CABIN1: variants seen among roughly 807,000 people sequenced by gnomAD.
The protein encoded by CABIN1 is calcineurin-binding protein cabin-1.
CABIN1 carries 133 observed loss-of-function variants against 227.7 expected under a neutral mutation model. The ratio of observed to expected loss-of-function variants is 0.58; its 90% CI spans 0.51 to 0.67. The LOEUF (loss-of-function observed/expected upper bound fraction) is 0.67, where lower values mean the gene tolerates loss of function less well. Among genes scored for constraint, CABIN1 ranks in the 30% least tolerant of loss-of-function variants. The pLI, the probability that CABIN1 is intolerant of heterozygous loss-of-function variation, is 0.00. For missense variants in CABIN1, 2,408 were observed against 2,852.5 expected (o/e 0.84, Z 3.55); for synonymous variants, 1,086 against 1,155.1 (o/e 0.94, Z 1.21).
rs1393906471 is a variant in CABIN1, at chr22:24,167,024, C to T, written c.5393C>T (p.Ser1798Phe). The change falls in exon 32 of 37, where the codon TCC (serine) becomes TTC (phenylalanine). Residue 1798 changes from serine (S) to phenylalanine (F), a missense_variant. Around this residue, in one of 3 missense-constraint regions of CABIN1, gnomAD observed 714 missense variants for 773.8 expected, o/e 0.92. Transcript: ENST00000263119. ...CCCGAGAGCCGGCCCACTGAGCTGT[C>T]CCTGGAGGAGCTGAGCATCAGTGCC... ...RGPESRPTEL[S>F]LEELSISARQ... 1.3e-6 allele frequency: 2 copies of T among 1,554,060 alleles called. No homozygotes were observed. The highest frequency in any genetic ancestry group is 1.2e-5 in the South Asian group (1 of 84,520).
intron 26 of CABIN1, chr22:24,101,733 A>G (rs1015334424): frequency 6.6e-6 from 1 of 152,246 alleles, no homozygotes; most frequent in Admixed American, 6.5e-5. Context: ...GACCAGGAAA[A>G]CGAGGTGACC....
intron 1 of CABIN1, among the ~76,000 whole-genome samples, chr22:24,022,107 C>G (rs954718561): frequency 4.0e-5 from 6 of 151,874 alleles, no homozygotes; most frequent in Non-Finnish European, 8.8e-5. Context: ...ATTGTATTTC[C>G]TTTTATTAGA....
intron 26 of CABIN1, among the ~76,000 whole-genome samples, chr22:24,103,751 T>C (rs1257589568): frequency 1.3e-5 from 2 of 152,200 alleles, no homozygotes; most frequent in Non-Finnish European, 2.9e-5. Flanking sequence ...AGGAGTTAGC[T>C]GGTCACGGCA....
At chr22:24,132,161 A>G (rs2044116856) in intron 28 of CABIN1, among the ~76,000 whole-genome samples, 1 of 152,090 alleles carries the variant, frequency 6.6e-6, no homozygotes, top group Non-Finnish European at 1.5e-5. Context: ...TGAGCCTCTC[A>G]GATCTCCTTT....
At chr22:24,148,435 C>T (rs2148441467) in intron 29 of CABIN1, among the ~76,000 whole-genome samples, 1 of 152,336 alleles carries the variant, frequency 6.6e-6, no homozygotes, top group African/African-American at 2.4e-5. Flanking sequence ...TTAGGGTTGC[C>T]CTCTGTGGCA....
At chr22:24,135,220 G>A (rs2044321495) in intron 29 of CABIN1, among the ~76,000 whole-genome samples, 2 of 150,918 alleles carry the variant, frequency 1.3e-5, no homozygotes, top group Admixed American at 6.6e-5. Flanking sequence ...GTGAAACCCT[G>A]TCTCTACTAA....
At chr22:24,053,911 G>T (rs1292378863) in intron 8 of CABIN1, among the ~76,000 whole-genome samples, 4 of 152,144 alleles carry the variant, frequency 2.6e-5, no homozygotes, top group Non-Finnish European at 1.5e-5. Flanking sequence ...CTGCTCTAGG[G>T]GTTGGGGAAG....
rs572156733 is a variant in CABIN1 at position 24,121,489 on chromosome 22, G to A, written c.4632+1791G>A. On this transcript the variant is annotated intron_variant, in intron 28 of 36. Transcript: ENST00000263119. ...AGCTCCGGCTTCCCTGGCTGTTGGT[G>A]CCACACTGGAGCCTGGCTTGCTCAC... Among the ~76,000 whole-genome samples the A allele has an allele frequency of 5.9e-5, 9 of 152,348 alleles. No individual in the cohort carries two copies. The East Asian group carries it at 1.7e-3, about 29-fold the overall frequency.
chr22:24,125,390 C>T (rs1275189742), intron 28 of CABIN1, among the ~76,000 whole-genome samples: 1 of 152,204 alleles, frequency 6.6e-6, no homozygotes, highest in African/African-American at 2.4e-5. Flanking sequence ...ACAGTATCCC[C>T]ACCTGCCTGT....
intron 19 of CABIN1, among the ~76,000 whole-genome samples, chr22:24,078,071 A>C (rs151049580): frequency 6.6e-6 from 1 of 152,058 alleles, no homozygotes; most frequent in Non-Finnish European, 1.5e-5. Context: ...CTGCCATGCT[A>C]TTCCTCAGCT....
At chr22:24,144,478 G>C (rs758041152) in intron 29 of CABIN1, among the ~76,000 whole-genome samples, 1 of 152,248 alleles carries the variant, frequency 6.6e-6, no homozygotes, top group Non-Finnish European at 1.5e-5. Context: ...GGGGTGCCCA[G>C]GTCCCTAGGG....
intron 4 of CABIN1, among the ~76,000 whole-genome samples, chr22:24,040,195 G>C (rs2037255186): frequency 6.6e-6 from 1 of 152,202 alleles, no homozygotes; most frequent in Non-Finnish European, 1.5e-5. Context: ...CTGGTCAGCT[G>C]GTTCTTGGGG....
chr22:24,050,419 G>C (rs977054923), intron 7 of CABIN1, among the ~76,000 whole-genome samples: 3 of 152,186 alleles, frequency 2.0e-5, no homozygotes, highest in African/African-American at 7.2e-5. Flanking sequence ...TTTTTGGGTC[G>C]TGATACACTT....
At chr22:24,016,015 A>G (rs1352099037) in intron 1 of CABIN1, among the ~76,000 whole-genome samples, 1 of 152,162 alleles carries the variant, frequency 6.6e-6, no homozygotes, top group Non-Finnish European at 1.5e-5. Flanking sequence ...ATACCTTACA[A>G]TTGACCGATT....
In CABIN1 at chr22:24,092,801, A is replaced by G. The variant is rs957079624; in HGVS notation, c.3786+958A>G. Among the ~76,000 whole-genome samples the G allele has an allele frequency of 2.6e-5, 4 of 151,904 alleles. No individual in the cohort carries two copies. The East Asian group carries it at 7.7e-4, about 29-fold the overall frequency. On this transcript the variant is annotated intron_variant, in intron 24 of 36. Coordinates refer to ENST00000263119, the MANE Select transcript of CABIN1 (RefSeq NM_012295.4). ...CCTAGTGATTCCAGTATGCCCCTCC[A>G]TAATCCCTAAGAGTTTGCTATGTCC...
chr22:24,085,505 G>A (rs112761371), intron 22 of CABIN1, among the ~76,000 whole-genome samples: 3 of 152,322 alleles, frequency 2.0e-5, no homozygotes, highest in African/African-American at 7.2e-5. Context: ...GCCCCAGAGT[G>A]TGTACTCTTG....
Position 24,060,998 on chromosome 22 carries a change from G to C in CABIN1, c.1617+857G>C, listed in dbSNP as rs116627511. ...CCATGTTGCCATGTTGCCCAGACTGGTCTGGAACTCCTGGGCTCAAGTGAT... is the reference window on the plus strand; with the variant it reads ...CCATGTTGCCATGTTGCCCAGACTGCTCTGGAACTCCTGGGCTCAAGTGAT... On this transcript the variant is annotated intron_variant, in intron 12 of 36. Transcript: ENST00000263119. Among the ~76,000 whole-genome samples the C allele has an allele frequency of 2.0e-3, 305 of 152,346 alleles. 2 individuals are homozygous for C. The highest frequency in any genetic ancestry group is 6.6e-3 in the African/African-American group (276 of 41,578).
Position 24,038,425 on chromosome 22 carries a change from C to T in CABIN1, c.174C>T (p.Ala58=). ...KHDRFEESAK[A]YHELLEASLL... ...ACCGGTTTGAGGAGTCTGCCAAAGC[C>T]TACCATGAGCTCTTGGAGGCGAGCC... The change falls in exon 4 of 37, where the codon GCC becomes GCT. Residue 58 remains alanine, a synonymous_variant. Coordinates refer to ENST00000263119, the MANE Select transcript of CABIN1 (RefSeq NM_012295.4). 2 of 1,614,062 alleles carry T rather than the reference C, an allele frequency of 1.2e-6. No homozygotes were observed. Among genetic ancestry groups the T allele is most frequent in the African/African-American group, 2.7e-5 (2 of 75,048 alleles).
intron 10 of CABIN1, among the ~76,000 whole-genome samples, chr22:24,057,858 G>A (rs1254393236): frequency 6.6e-6 from 1 of 152,228 alleles, no homozygotes; most frequent in African/African-American, 2.4e-5. Context: ...AAGAACTGCA[G>A]GATTGTTCTT....
Sources: allele counts gnomAD v4.1 joint callset (sites outside exome capture counted in the v4.1 genomes callset), GRCh38; gene constraint gnomAD v4.1.1; regional missense constraint gnomAD v4.1.1; transcripts MANE v1.5; gene names NCBI Gene and HGNC (gene_info 2026-07-23, HGNC 2026-07-21).